WDR7: variants seen among roughly 807,000 people sequenced by gnomAD.
WDR7 encodes WD repeat domain 7.
In WDR7, 46 loss-of-function variants were observed where a neutral mutation model predicts 169.4. The observed-to-expected ratio is 0.27, with a 90% CI of 0.21 to 0.35. The LOEUF is 0.35. Ranked by LOEUF, WDR7 falls within the 10% of genes least tolerant of loss-of-function variation. The pLI is 1.00. For missense variants in WDR7, 1,534 were observed against 1,859.3 expected, an observed-to-expected ratio of 0.83 and a Z score of 3.22; for synonymous variants, 612 against 666.8, an observed-to-expected ratio of 0.92 and a Z score of 1.27.
chr18:57,022,980 TGCCAAA>T (rs2048311526), intron 27 of WDR7, among the ~76,000 whole-genome samples: 2 of 152,244 alleles, frequency 1.3e-5, no homozygotes, highest in Non-Finnish European at 2.9e-5. Context: ...TATTTGCACA[TGCCAAA>T]GCCAAAGCAG....
chr18:56,900,076 GTGTGTGTATATATA>G (rs1355239818), intron 21 of WDR7, among the ~76,000 whole-genome samples: 2 of 52,168 alleles, frequency 3.8e-5, no homozygotes, highest in African/African-American at 1.1e-4. Flanking sequence ...GTGTGTGTGT[GTGTGTGTATATATA>G]TATATATATA....
chr18:56,911,567 G>A (rs113979941), intron 21 of WDR7, among the ~76,000 whole-genome samples: 394 of 152,308 alleles, frequency 2.6e-3, no homozygotes, highest in Non-Finnish European at 4.6e-3. Context: ...ATATCACAGT[G>A]TACTGAGTAT....
At chr18:56,711,999 A>G (rs975055157) in intron 12 of WDR7, among the ~76,000 whole-genome samples, 2 of 152,218 alleles carry the variant, frequency 1.3e-5, no homozygotes, top group African/African-American at 4.8e-5. Flanking sequence ...TAGAATGTTC[A>G]TGTGTTTAGC....
intron 26 of WDR7, among the ~76,000 whole-genome samples, chr18:57,013,792 A>C (rs144041887): frequency 2.3e-4 from 35 of 152,328 alleles, no homozygotes; most frequent in Non-Finnish European, 4.4e-4. Flanking sequence ...CCATTGGCTT[A>C]GGTGTGCACA....
At chr18:57,032,782 G>A (rs1010342471), downstream of WDR7, 23 of 139,594 alleles carry the variant, frequency 1.6e-4, no homozygotes, top group Admixed American at 1.1e-3. Flanking sequence ...TCTACATTAT[G>A]GTGAGTTGTA....
intron 1 of WDR7, among the ~76,000 whole-genome samples, chr18:56,661,471 G>A (rs959301475): frequency 1.3e-5 from 2 of 152,132 alleles, no homozygotes; most frequent in African/African-American, 4.8e-5. Flanking sequence ...AGATAGTTCT[G>A]CAGTTCTTCA....
chr18:56,938,738 G>A, intron 24 of WDR7, 56 bp downstream of exon 24: 1 of 1,584,816 alleles, frequency 6.3e-7, no homozygotes, highest in Non-Finnish European at 8.6e-7. Flanking sequence ...ATATTCTAAT[G>A]AAGTAATATA....
At chr18:56,979,069 A>T (rs374184477) in intron 26 of WDR7, among the ~76,000 whole-genome samples, 4 of 152,192 alleles carry the variant, frequency 2.6e-5, no homozygotes, top group South Asian at 4.1e-4. Flanking sequence ...TGAAAAGGCA[A>T]TGTAGCAACA....
chr18:56,846,363 G>T (rs1237616428), intron 20 of WDR7, among the ~76,000 whole-genome samples: 1 of 151,930 alleles, frequency 6.6e-6, no homozygotes, highest in African/African-American at 2.4e-5. Flanking sequence ...GAGGTAATTG[G>T]ATCAGGGGTG....
At chr18:56,652,619 A>T (rs1030654408) in intron 1 of WDR7, among the ~76,000 whole-genome samples, 8 of 152,264 alleles carry the variant, frequency 5.3e-5, no homozygotes, top group Non-Finnish European at 1.2e-4. Flanking sequence ...AGAACAATAC[A>T]TATTAGTTAT....
chr18:57,002,303 G>T (rs923155726), intron 26 of WDR7, among the ~76,000 whole-genome samples: 1 of 151,996 alleles, frequency 6.6e-6, no homozygotes, highest in Non-Finnish European at 1.5e-5. Flanking sequence ...TTTCTTTATT[G>T]ATATGAACAT....
intron 12 of WDR7, among the ~76,000 whole-genome samples, chr18:56,706,909 A>G (rs570471634): frequency 5.3e-5 from 8 of 151,010 alleles, no homozygotes; most frequent in African/African-American, 1.9e-4. Flanking sequence ...GATGGCATCA[A>G]TCTCTTGACC....
intron 21 of WDR7, among the ~76,000 whole-genome samples, chr18:56,883,862 T>A (rs2046149304): frequency 6.6e-6 from 1 of 152,180 alleles, no homozygotes; most frequent in Non-Finnish European, 1.5e-5. Context: ...TATGGCTGAG[T>A]AGTACTCCAT....
intron 1 of WDR7, among the ~76,000 whole-genome samples, chr18:56,668,540 AT>A (rs1186731191): frequency 6.6e-6 from 1 of 152,158 alleles, no homozygotes; most frequent in African/African-American, 2.4e-5. Context: ...TTTATTTATT[AT>A]TGTAATACTT....
chr18:56,923,369 C>T (rs1052189951), intron 21 of WDR7, among the ~76,000 whole-genome samples: 1 of 152,166 alleles, frequency 6.6e-6, no homozygotes. Context: ...GAAGAGCTTA[C>T]CACACACTTG....
At chr18:56,695,478 A>T (rs1174596160) in intron 11 of WDR7, among the ~76,000 whole-genome samples, 1 of 152,120 alleles carries the variant, frequency 6.6e-6, no homozygotes, top group Non-Finnish European at 1.5e-5. Context: ...ATTACTAAAT[A>T]ATTACTGTAT....
intron 26 of WDR7, among the ~76,000 whole-genome samples, chr18:56,973,171 C>T (rs28650327): frequency 0.087 from 13,261 of 152,192 alleles, 1,843 homozygotes; most frequent in African/African-American, 0.3. Context: ...CCACCGCGCC[C>T]GGCCATGGGT....
intron 26 of WDR7, among the ~76,000 whole-genome samples, chr18:56,994,261 C>T (rs923710284): frequency 1.3e-5 from 2 of 151,994 alleles, no homozygotes; most frequent in Admixed American, 6.6e-5. Flanking sequence ...TGAGCTCAAG[C>T]GATTTGCCTG....
Position 56,962,419 on chromosome 18 carries a change from G to A in WDR7, c.4065-11G>A. The A allele has an allele frequency of 6.2e-7, 1 of 1,611,992 alleles. No homozygotes were observed. The highest frequency in any genetic ancestry group is 1.1e-5 in the South Asian group (1 of 90,958). ...TTGTTTTTGTTTTTGTTGTTAAAAT[G>A]TTCAACTCAGGTTCTACATGGTCAG... On this transcript the variant is annotated splice_polypyrimidine_tract_variant and intron_variant, in intron 25 of 27. Coordinates refer to ENST00000254442, the MANE Select transcript of WDR7 (RefSeq NM_015285.3).
Sources: allele counts gnomAD v4.1 joint callset (sites outside exome capture counted in the v4.1 genomes callset), GRCh38; gene constraint gnomAD v4.1.1; transcripts MANE v1.5; gene names NCBI Gene and HGNC (gene_info 2026-07-23, HGNC 2026-07-21).